The following TENT5B variants were observed in gnomAD, a reference collection of about 807,000 sequenced individuals.
The protein encoded by TENT5B is family with sequence similarity 46 member B.
A neutral mutation model predicts 21.7 loss-of-function variants in TENT5B; 12 were observed. That is an observed-to-expected ratio of 0.55 (90% CI 0.36 to 0.90). The LOEUF (loss-of-function observed/expected upper bound fraction) is 0.90, where lower values mean the gene tolerates loss of function less well. TENT5B is among the 40% of genes least tolerant of loss of function. The probability of loss-of-function intolerance (pLI) is 0.01; values close to 1 mark genes in which losing one functional copy is unlikely to be tolerated. For synonymous variants in TENT5B, 262 were observed against 266.6 expected, an observed-to-expected ratio of 0.98 and a Z score of 0.17; for missense variants, 540 against 601.5, an observed-to-expected ratio of 0.90 and a Z score of 1.07.
Position 27,005,364 on chromosome 1 carries a change from G to A in TENT5B, c.*580C>T, listed in dbSNP as rs892223053. On this transcript the variant is annotated 3_prime_UTR_variant, in exon 2 of 2. Coordinates refer to ENST00000289166, the MANE Select transcript of TENT5B (RefSeq NM_052943.4). ...CACAGCTGGGGGTATGTAGTTCAGA[G>A]AACCGGGCTAAACCCAGCCCTCCCC... 7 of 153,036 alleles carry A rather than the reference G, an allele frequency of 4.6e-5. No individual in the cohort carries two copies. Among genetic ancestry groups the A allele is most frequent in the African/African-American group, 1.4e-4 (6 of 41,440 alleles). 9.5% of individuals were successfully genotyped at this position (153,036 alleles called of 1,614,324 possible). A position where few individuals can be genotyped will look rare whatever the true frequency, so the allele number is the denominator to read the frequency against.
rs2124209502 is a variant in TENT5B, at chr1:27,012,471, G to C, written c.200C>G (p.Pro67Arg). ...GTTGCCGCGCCCGTGAATGGGAATCGGCTCGCTCAGAAGAGCGTCCAGTCG... is the reference window on the plus strand; with the variant it reads ...GTTGCCGCGCCCGTGAATGGGAATCCGCTCGCTCAGAAGAGCGTCCAGTCG... ...VKRLDALLSEPIPIHGRGNFP... is the reference protein window; with the variant it reads ...VKRLDALLSERIPIHGRGNFP... Residue 67 changes from proline (P) to arginine (R), a missense_variant, in exon 1 of 2, where the codon CCG becomes CGG. Transcript: ENST00000289166. 6 of 1,611,494 alleles carry C rather than the reference G, an allele frequency of 3.7e-6. No individual in the cohort carries two copies. Among genetic ancestry groups the C allele is most frequent in the East Asian group, 2.2e-5 (1 of 44,828 alleles).
chr1:27,009,109 G>GGTGC lies in TENT5B; in HGVS notation c.265-2156_265-2153dup, dbSNP rs777479321. On this transcript the variant is annotated intron_variant, in intron 1 of 1. Coordinates refer to ENST00000289166, the MANE Select transcript of TENT5B (RefSeq NM_052943.4). ...AGCCTCCCAAGTAGGTGGGACTACA[G>GGTGC]GTGCGTGCGTGCCACCACACCCAGC... is the stretch of plus-strand genomic sequence containing the variant. Among the ~76,000 whole-genome samples, 14 of 149,550 alleles carry GGTGC rather than the reference G, an allele frequency of 9.4e-5. No individual in the cohort carries two copies. The East Asian group carries it at 2.2e-3, about 23-fold the overall frequency.
chr1:27,011,233 TGGGAGGGTGG>T (rs1214784840), intron 1 of TENT5B, among the ~76,000 whole-genome samples: 1 of 152,110 alleles, frequency 6.6e-6, no homozygotes, highest in Non-Finnish European at 1.5e-5. Flanking sequence ...CCTAGTTCCT[TGGGAGGGTGG>T]GGGAGGTAAT....
chr1:27,012,432 C>T lies in TENT5B; in HGVS notation c.239G>A (p.Ser80Asn), dbSNP rs776112407. 2 of 1,613,048 alleles carry T rather than the reference C, an allele frequency of 1.2e-6. No homozygotes were observed. Among genetic ancestry groups the T allele is most frequent in the Admixed American group, 1.7e-5 (1 of 59,966 alleles). Reference sequence around the variant, plus strand: ...CTGCACGATCTGCCGGGGCTGCACGCTCAGCGTGGGGAAGTTGCCGCGCCC... The same window carrying T: ...CTGCACGATCTGCCGGGGCTGCACGTTCAGCGTGGGGAAGTTGCCGCGCCC... ...IHGRGNFPTLSVQPRQIVQVV... is the reference protein window; with the variant it reads ...IHGRGNFPTLNVQPRQIVQVV... The change falls in exon 1 of 2, where the codon AGC (serine) becomes AAC (asparagine). Residue 80 changes from serine to asparagine, a missense_variant. Ser to Asn is a conservative substitution (Grantham distance 46). Transcript: ENST00000289166.
chr1:27,007,318 C>G (rs923279038), intron 1 of TENT5B, among the ~76,000 whole-genome samples: 1 of 151,732 alleles, frequency 6.6e-6, no homozygotes, highest in Non-Finnish European at 1.5e-5. Context: ...AATGGAAGTA[C>G]AGAGGGGCCA....
Position 27,006,516 on chromosome 1 carries a change from G to T in TENT5B, c.706C>A (p.Pro236Thr). The T allele has an allele frequency of 6.2e-7, 1 of 1,614,124 alleles. No individual in the cohort carries two copies. Among genetic ancestry groups the T allele is most frequent in the South Asian group, 1.1e-5 (1 of 91,086 alleles). Residue 236 changes from proline to threonine, a missense_variant, in exon 2 of 2, where the codon CCC (proline) becomes ACC (threonine). By Grantham distance (38) the Pro-to-Thr change is conservative (BLOSUM62 -1). Transcript: ENST00000289166. This position sits in a 1 kb window ranked among gnomAD's most constrained non-coding sequence, Gnocchi z 9.4. ...GTTGGGTGGAAGGCCTCAGACATGG[G>T]AGTGGACGAGCACTGGCCAAAGAGC... ...LLLFGQCSST[P>T]MSEAFHPTVT...
Position 27,006,277 on chromosome 1 carries a change from G to A in TENT5B, c.945C>T (p.Asp315=), listed in dbSNP as rs1318546629. 23 of 1,612,472 alleles carry A rather than the reference G, an allele frequency of 1.4e-5. No individual in the cohort carries two copies. Among genetic ancestry groups the A allele is most frequent in the Non-Finnish European group, 1.9e-5 (23 of 1,179,514 alleles). ...CTAGGGTGCGCCGCTGCTCCACCAG[G>A]TCTGGAAAGTCGATGAAGAAGCGGG... The part of the protein sequence containing the change: ...MCSRFFIDFP[D]LVEQRRTLER... The change falls in exon 2 of 2, where the codon GAC becomes GAT. Residue 315 remains aspartate, a synonymous_variant. Transcript: ENST00000289166. The surrounding 1 kb of genome is among the most constrained non-coding windows in gnomAD (Gnocchi z 9.4).
At chr1:27,008,443 G>C (rs1043087355) in intron 1 of TENT5B, among the ~76,000 whole-genome samples, 22 of 152,152 alleles carry the variant, frequency 1.4e-4, no homozygotes, top group African/African-American at 5.3e-4. Flanking sequence ...AACTTTACCA[G>C]GGGAAGATAT....
chr1:27,009,644 C>T (rs1296298205), intron 1 of TENT5B, among the ~76,000 whole-genome samples: 3 of 152,242 alleles, frequency 2.0e-5, no homozygotes, highest in African/African-American at 7.2e-5. Flanking sequence ...AAGGACCCTA[C>T]CAAACCTGCA....
chr1:27,008,759 A>C (rs1338630507), intron 1 of TENT5B, among the ~76,000 whole-genome samples: 1 of 150,812 alleles, frequency 6.6e-6, no homozygotes, highest in Non-Finnish European at 1.5e-5. Flanking sequence ...CCATCACCAC[A>C]CTCAGCTAAT....
In TENT5B at chr1:27,012,584, T is replaced by G; in HGVS notation, c.87A>C (p.Ala29=). 1.3e-6 allele frequency: 2 copies of G among 1,537,798 alleles called. No homozygotes were observed. Among genetic ancestry groups the G allele is most frequent in the Non-Finnish European group, 1.7e-6 (2 of 1,147,932 alleles). The stretch of plus-strand genomic sequence containing the variant: ...GGTCGGGGCCGCCGCCTGCCGGGGC[T>G]GCCGTGGCCACCGCCGTGGCCGCAG... ...GTAAATAVAT[A]APAGGGPDPE... is the part of the protein sequence containing the mutation. Residue 29 remains alanine, a synonymous_variant, in exon 1 of 2, where the codon GCA becomes GCC. Transcript: ENST00000289166.
Position 27,012,512 on chromosome 1 carries a change from G to C in TENT5B, c.159C>G (p.Ser53Arg), listed in dbSNP as rs1418938735. 1.9e-6 allele frequency: 3 copies of C among 1,607,290 alleles called. No homozygotes were observed. The highest frequency in any genetic ancestry group is 2.5e-6 in the Non-Finnish European group (3 of 1,179,372). Residue 53 changes from serine to arginine, a missense_variant, in exon 1 of 2, where the codon AGC becomes AGG. Transcript: ENST00000289166. ...AFPGRHLSGL[S>R]WPQVKRLDAL... ...CGTCCAGTCGCTTCACCTGTGGCCA[G>C]CTCAGCCCACTCAGGTGCCGTCCGG...
At position 27,006,831 on chromosome 1, in the gene TENT5B, G is replaced by A. The variant is rs61786529; in HGVS notation, c.391C>T (p.Arg131Trp). 6.2e-6 allele frequency: 10 copies of A among 1,614,028 alleles called. No homozygotes were observed. Among genetic ancestry groups the A allele is most frequent in the Admixed American group, 3.3e-5 (2 of 60,016 alleles). Residue 131 changes from arginine to tryptophan, a missense_variant, in exon 2 of 2, where the codon CGG becomes TGG. By Grantham distance (101) the Arg-to-Trp change is moderately radical (BLOSUM62 -3). Transcript: ENST00000289166. The surrounding 1 kb of genome is among the most constrained non-coding windows in gnomAD (Gnocchi z 9.4). Reference protein sequence around the residue: ...LGYKDLDLVFRVDLRSEASFQ... With the variant: ...LGYKDLDLVFWVDLRSEASFQ... ...GATGCCTCACTGCGCAGGTCCACCC[G>A]GAACACCAGGTCCAGATCCTTGTAG...
At chr1:27,008,894 G>C (rs1286680332) in intron 1 of TENT5B, among the ~76,000 whole-genome samples, 1 of 147,788 alleles carries the variant, frequency 6.8e-6, no homozygotes, top group Non-Finnish European at 1.5e-5. Flanking sequence ...GAGGTACTAT[G>C]CCAGGCCAAG....
chr1:27,012,095 T>A (rs956500919), intron 1 of TENT5B, among the ~76,000 whole-genome samples: 1 of 152,162 alleles, frequency 6.6e-6, no homozygotes, highest in Non-Finnish European at 1.5e-5. Context: ...CTTTTGTCCT[T>A]GCAGGCAGAG....
rs140004034 is a variant in TENT5B, at chr1:27,005,725, C to T, written c.*219G>A. 69 of 539,538 alleles carry T rather than the reference C, an allele frequency of 1.3e-4. No homozygotes were observed. Among genetic ancestry groups the T allele is most frequent in the African/African-American group, 1.0e-3 (54 of 51,990 alleles). 33.4% of individuals were successfully genotyped at this position (539,538 alleles called of 1,614,324 possible). ...GGCATGCTGGTCCAAAAGTGTGATG[C>T]AATAACCAAAGGGTCCTCCTGCTGA... On this transcript the variant is annotated 3_prime_UTR_variant, in exon 2 of 2. Coordinates refer to ENST00000289166, the MANE Select transcript of TENT5B (RefSeq NM_052943.4).
intron 1 of TENT5B, among the ~76,000 whole-genome samples, chr1:27,009,150 A>G (rs2082613809): frequency 6.6e-6 from 1 of 151,430 alleles, no homozygotes; most frequent in Non-Finnish European, 1.5e-5. Context: ...TTTATTGTTT[A>G]CAGTGATGGA....
Position 27,012,520 on chromosome 1 carries a change from C to T in TENT5B, c.151G>A (p.Gly51Arg), listed in dbSNP as rs777933549. 1 of 1,606,054 alleles carries T rather than the reference C, an allele frequency of 6.2e-7. No homozygotes were observed. Among genetic ancestry groups the T allele is most frequent in the Non-Finnish European group, 8.5e-7 (1 of 1,179,244 alleles). The change falls in exon 1 of 2, where the codon GGG becomes AGG. Residue 51 changes from glycine to arginine, a missense_variant. Transcript: ENST00000289166. ...LSAFPGRHLS[G>R]LSWPQVKRLD... The stretch of plus-strand genomic sequence containing the variant: ...CGCTTCACCTGTGGCCAGCTCAGCC[C>T]ACTCAGGTGCCGTCCGGGGAAGGCC...
chr1:27,012,536 G>A lies in TENT5B; in HGVS notation c.135C>T (p.Pro45=), dbSNP rs1161173366. 6.2e-7 allele frequency: 1 copy of A among 1,601,608 alleles called. No individual in the cohort carries two copies. Among genetic ancestry groups the A allele is most frequent in the Non-Finnish European group, 8.5e-7 (1 of 1,178,256 alleles). The change falls in exon 1 of 2, where the codon CCC becomes CCT. Residue 45 remains proline, a synonymous_variant. Coordinates refer to ENST00000289166, the MANE Select transcript of TENT5B (RefSeq NM_052943.4). The stretch of plus-strand genomic sequence containing the variant: ...AGCTCAGCCCACTCAGGTGCCGTCC[G>A]GGGAAGGCCGATAAGGCCTCCGGGT... ...GPDPEALSAF[P]GRHLSGLSWP...
Sources: gnomAD v4.1 joint callset for allele counts (sites outside exome capture counted in the v4.1 genomes callset) on GRCh38, gnomAD v4.1.1 for gene constraint, Gnocchi (gnomAD v3.1) non-coding constraint, MANE v1.5 for transcripts, NCBI Gene and HGNC (gene_info 2026-07-23, HGNC 2026-07-21) for gene names.